The following ECPAS variants were observed in gnomAD, a reference collection of about 807,000 sequenced individuals.
ECPAS encodes proteasome adapter and scaffold protein ECM29.
Under a neutral mutation model 255.1 loss-of-function variants are expected in ECPAS, and 70 were observed. The observed-to-expected ratio is 0.27, with a 90% CI of 0.23 to 0.33. ECPAS has a LOEUF of 0.33. Ranked by LOEUF, ECPAS falls within the 10% of genes least tolerant of loss-of-function variation. The pLI is 1.00. For missense variants in ECPAS, 1,817 were observed against 2,206.4 expected (o/e 0.82, Z 3.54); for synonymous variants, 784 against 775.0 (o/e 1.01, Z -0.19).
chr9:111,402,485 T>C (rs529355410), intron 24 of ECPAS, among the ~76,000 whole-genome samples: 4 of 152,370 alleles, frequency 2.6e-5, no homozygotes, highest in East Asian at 1.9e-4. Context: ...CATTTAAAGA[T>C]ACTCTAATAT....
At chr9:111,480,210 A>G (rs1242024946) in intron 1 of ECPAS, among the ~76,000 whole-genome samples, 1 of 151,000 alleles carries the variant, frequency 6.6e-6, no homozygotes, top group Non-Finnish European at 1.5e-5. Context: ...TGCTTTTACT[A>G]TCATCTACTA....
intron 36 of ECPAS, among the ~76,000 whole-genome samples, chr9:111,376,910 C>T (rs764145081): frequency 6.6e-6 from 1 of 152,186 alleles, no homozygotes; most frequent in Non-Finnish European, 1.5e-5. Context: ...AAATTTTATA[C>T]GTGCAGTTCT....
intron 35 of ECPAS, 28 bp from the exon 36 acceptor site, chr9:111,378,758 A>G: frequency 1.3e-6 from 2 of 1,576,672 alleles, no homozygotes; most frequent in Non-Finnish European, 1.7e-6. Flanking sequence ...ACAACTCCTG[A>G]GTCCTTTTAA....
Position 111,410,063 on chromosome 9 carries a change from G to C in ECPAS, c.2528C>G (p.Pro843Arg), listed in dbSNP as rs1254012774. 1 of 1,569,996 alleles carries C rather than the reference G, an allele frequency of 6.4e-7. No individual in the cohort carries two copies. The highest frequency in any genetic ancestry group is 1.9e-5 in the Admixed American group (1 of 52,860). The change falls in exon 23 of 50, where the codon CCT (proline) becomes CGT (arginine). Residue 843 changes from proline to arginine, a missense_variant. This residue lies in a region of ECPAS where 194 missense variants were observed against 152.8 expected (regional missense o/e 1.27). Coordinates refer to ENST00000684092, the MANE Select transcript of ECPAS (RefSeq NM_001364929.1). The stretch of plus-strand genomic sequence containing the variant: ...TACCTTATTTGTTTCTTTACTGGAA[G>C]GTATTCTACTTAGTAAGCTTTCTAC... ...HLVESLLSRI[P>R]SSKETNKMKE...
chr9:111,445,284 C>T (rs1047426620), intron 3 of ECPAS, among the ~76,000 whole-genome samples: 17 of 151,924 alleles, frequency 1.1e-4, no homozygotes, highest in African/African-American at 2.2e-4. Flanking sequence ...CGTGAGCCAC[C>T]GCGCCTGGCC....
intron 24 of ECPAS, among the ~76,000 whole-genome samples, chr9:111,399,969 G>T (rs1293146110): frequency 6.6e-6 from 1 of 152,244 alleles, no homozygotes; most frequent in Admixed American, 6.5e-5. Context: ...CATGGGCTTT[G>T]GGTGTAACCC....
intron 3 of ECPAS, among the ~76,000 whole-genome samples, chr9:111,450,843 T>C (rs2098259354): frequency 6.6e-6 from 1 of 152,112 alleles, no homozygotes; most frequent in African/African-American, 2.4e-5. Context: ...TAGGAGGGCC[T>C]AAGCCCAGAA....
intron 10 of ECPAS, among the ~76,000 whole-genome samples, chr9:111,426,694 CAAAAA>C (rs11326973): frequency 3.1e-5 from 4 of 130,916 alleles, no homozygotes; most frequent in Admixed American, 7.7e-5. Flanking sequence ...TGTCTCACTT[CAAAAA>C]AAAAAAAAAA....
chr9:111,475,769 T>C (rs1464131289), intron 1 of ECPAS, among the ~76,000 whole-genome samples: 2 of 149,928 alleles, frequency 1.3e-5, no homozygotes, highest in African/African-American at 4.9e-5. Context: ...GCAGTGAAAG[T>C]AAAAAAATCA....
At chr9:111,470,659 G>T in intron 2 of ECPAS, among the ~76,000 whole-genome samples, 1 of 151,368 alleles carries the variant, frequency 6.6e-6, no homozygotes, top group Admixed American at 6.6e-5. Flanking sequence ...ATCCAGCATA[G>T]CCCAAAACAA....
Position 111,392,837 on chromosome 9 carries a change from T to G in ECPAS, c.3023A>C (p.Glu1008Ala), listed in dbSNP as rs2098162224. ...CTGTTGATCTTGTTCATTGCCTAGT[T>G]CATAAACCAACCCAAGGCCCTTTGA... ...VASKGLGLVY[E>A]LGNEQDQQEL... Residue 1008 changes from glutamate (E) to alanine (A), a missense_variant, in exon 28 of 50, where the codon GAA (glutamate) becomes GCA (alanine). Glu to Ala is a moderately radical substitution (Grantham distance 107). Coordinates refer to ENST00000684092, the MANE Select transcript of ECPAS (RefSeq NM_001364929.1). 2 of 1,613,644 alleles carry G rather than the reference T, an allele frequency of 1.2e-6. No individual in the cohort carries two copies. Among genetic ancestry groups the G allele is most frequent in the African/African-American group, 1.3e-5 (1 of 74,906 alleles).
rs1399892641 is a variant in ECPAS, at chr9:111,484,171, G to A, written c.-138C>T. 1.3e-6 allele frequency: 2 copies of A among 1,481,794 alleles called. No homozygotes were observed. Among genetic ancestry groups the A allele is most frequent in the Admixed American group, 2.3e-5 (1 of 43,558 alleles). The allele number at this position is 1,481,794 out of a possible 1,614,324, so 91.8% of individuals were successfully genotyped here. On this transcript the variant is annotated 5_prime_UTR_variant, in exon 1 of 50. Coordinates refer to ENST00000684092, the MANE Select transcript of ECPAS (RefSeq NM_001364929.1). ...CGCTGCGCTCGGCGCCGCGAGGTGA[G>A]GGCTGTAGAGCGAGGCGTTCGGCGG...
At chr9:111,480,701 G>A (rs977546221) in intron 1 of ECPAS, among the ~76,000 whole-genome samples, 19 of 152,182 alleles carry the variant, frequency 1.2e-4, no homozygotes, top group African/African-American at 4.6e-4. Flanking sequence ...ATGCTTTCAA[G>A]TTAAATTATT....
intron 48 of ECPAS, among the ~76,000 whole-genome samples, chr9:111,365,305 T>TCATCATCAG (rs1409395289): frequency 6.7e-6 from 1 of 150,182 alleles, no homozygotes; most frequent in Non-Finnish European, 1.5e-5. Flanking sequence ...ATCATCATCA[T>TCATCATCAG]CATCATCATC....
chr9:111,408,050 C>T (rs531819598), intron 24 of ECPAS, among the ~76,000 whole-genome samples: 1 of 152,264 alleles, frequency 6.6e-6, no homozygotes, highest in Non-Finnish European at 1.5e-5. Context: ...CAGTGCAAGG[C>T]GGCCAAAGAG....
At chr9:111,373,442 G>A (rs1459174302) in intron 39 of ECPAS, 36 bp from the exon 40 acceptor site, 1 of 1,568,138 alleles carries the variant, frequency 6.4e-7, no homozygotes, top group East Asian at 2.2e-5. Context: ...CTGATACTTG[G>A]TTGACCAAAT....
intron 46 of ECPAS, among the ~76,000 whole-genome samples, chr9:111,368,393 C>T (rs2098123273): frequency 6.6e-6 from 1 of 152,186 alleles, no homozygotes; most frequent in Admixed American, 6.6e-5. Context: ...TGCTAATAAA[C>T]TTTGTGCATT....
intron 9 of ECPAS, among the ~76,000 whole-genome samples, chr9:111,429,044 T>C (rs150569625): frequency 5.1e-4 from 77 of 152,326 alleles, no homozygotes; most frequent in African/African-American, 1.8e-3. Flanking sequence ...GAATACAAGT[T>C]TCTCAAAACT....
At chr9:111,432,143 A>T (rs1385998563) in intron 8 of ECPAS, among the ~76,000 whole-genome samples, 1 of 152,238 alleles carries the variant, frequency 6.6e-6, no homozygotes, top group Non-Finnish European at 1.5e-5. Context: ...AAAATGATAT[A>T]ATGAACAAAT....
Sources: gnomAD v4.1 joint callset for allele counts (sites outside exome capture counted in the v4.1 genomes callset) on GRCh38, gnomAD v4.1.1 for gene constraint, gnomAD v4.1.1 regional missense constraint, MANE v1.5 for transcripts, NCBI Gene and HGNC (gene_info 2026-07-23, HGNC 2026-07-21) for gene names.